The following LRGUK variants were observed in gnomAD, a reference collection of about 807,000 sequenced individuals.
LRGUK encodes leucine-rich repeat and guanylate kinase domain-containing protein.
Under a neutral mutation model 76.0 loss-of-function variants are expected in LRGUK, and 65 were observed. The ratio of observed to expected loss-of-function variants is 0.85; its 90% confidence interval spans 0.70 to 1.05. LRGUK has a LOEUF of 1.05. Among genes scored for constraint, LRGUK ranks in the 50% least tolerant of loss-of-function variants. LRGUK has a pLI of 0.00. For missense variants in LRGUK, 758 were observed against 732.8 expected, an observed-to-expected ratio of 1.03 and a Z score of -0.40; for synonymous variants, 268 against 265.6, an observed-to-expected ratio of 1.01 and a Z score of -0.09.
At chr7:134,196,890 G>A (rs1362459851) in intron 12 of LRGUK, 102 bp from the exon 13 acceptor site, 1 of 595,536 alleles carries the variant, frequency 1.7e-6, no homozygotes. Context: ...AAATTTGTAA[G>A]GTTTTTGAAA....
At chr7:134,263,888 A>G in exon 20 of LRGUK, 1 of 1,612,166 alleles carries the variant, frequency 6.2e-7, no homozygotes. Flanking sequence ...AGTCTCACCA[A>G]CACAGACAAC....
At chr7:134,214,212 G>C (rs1451513481), downstream of LRGUK, among the ~76,000 whole-genome samples, 6 of 149,668 alleles carry the variant, frequency 4.0e-5, no homozygotes, top group Non-Finnish European at 1.5e-5. Context: ...AGTTGAAACA[G>C]GATAGACTTT....
intron 16 of LRGUK, among the ~76,000 whole-genome samples, chr7:134,228,399 GA>G (rs1414039179): frequency 1.3e-5 from 2 of 151,986 alleles, no homozygotes; most frequent in African/African-American, 4.8e-5. Context: ...CATAGATAGA[GA>G]AAAAAATGAA....
chr7:134,155,757 C>A (rs570478621), intron 5 of LRGUK, among the ~76,000 whole-genome samples: 24 of 152,280 alleles, frequency 1.6e-4, no homozygotes, highest in Middle Eastern at 3.4e-3. Context: ...AACTTTTGGC[C>A]TTAATGGCCA....
rs149198166 is a variant in LRGUK at position 134,163,333 on chromosome 7, C to A, written c.796-64C>A. 3,586 of 1,444,524 alleles carry A rather than the reference C, an allele frequency of 2.5e-3. 35 individuals are homozygous for A. The highest frequency in any genetic ancestry group is 0.021 in the African/African-American group (1,466 of 71,050). The allele number at this position is 1,444,524 out of a possible 1,614,324, so 89.5% of individuals were successfully genotyped here. ...TTTGGGTCAGTATCCCAAATGAAAA[C>A]TTGCCATTACAACTTTTCCTTGAGA... is the stretch of plus-strand genomic sequence containing the variant. On this transcript the variant is annotated intron_variant, in intron 6 of 15. Transcript: ENST00000645682.
chr7:134,152,284 A>G (rs988001167), intron 5 of LRGUK, among the ~76,000 whole-genome samples: 10 of 152,100 alleles, frequency 6.6e-5, no homozygotes, highest in Non-Finnish European at 1.2e-4. Flanking sequence ...ACCATTTATA[A>G]AAACAGCAAA....
At chr7:134,129,395 TCCCCTTCCCTCCCTCCCCTCCCCAC>T (rs1797191649) in intron 1 of LRGUK, among the ~76,000 whole-genome samples, 3 of 2,706 alleles carry the variant, frequency 1.1e-3, no homozygotes, top group Admixed American at 5.3e-3. Flanking sequence ...TCCCCTCCCC[TCCCCTTCCCTCCCTCCCCTCCCCAC>T]CCCTCCCTCC....
chr7:134,156,912 A>G (rs1798485238), intron 5 of LRGUK, among the ~76,000 whole-genome samples: 1 of 152,164 alleles, frequency 6.6e-6, no homozygotes, highest in Non-Finnish European at 1.5e-5. Context: ...TGGTGATTGG[A>G]TGCCTCACAG....
At chr7:134,178,715 G>A (rs1799595574) in intron 10 of LRGUK, 106 bp downstream of exon 10, 1 of 738,246 alleles carries the variant, frequency 1.4e-6, no homozygotes, top group South Asian at 2.3e-5. Context: ...TCCTATAAAG[G>A]CTGCTTTTTC....
At chr7:134,207,634 C>T (rs1006564469) in intron 15 of LRGUK, among the ~76,000 whole-genome samples, 1 of 152,112 alleles carries the variant, frequency 6.6e-6, no homozygotes, top group African/African-American at 2.4e-5. Flanking sequence ...GCTCATCCTG[C>T]GTCAGTGGAG....
chr7:134,271,682 T>C, the LRGUK span, among the ~76,000 whole-genome samples: 4 of 152,006 alleles, frequency 2.6e-5, no homozygotes, highest in Non-Finnish European at 4.4e-5. Flanking sequence ...TGATACTTGC[T>C]CTCCCTATCT....
At chr7:134,141,935 G>A (rs1036299948) in intron 3 of LRGUK, among the ~76,000 whole-genome samples, 3 of 152,264 alleles carry the variant, frequency 2.0e-5, no homozygotes, top group East Asian at 3.9e-4. Flanking sequence ...AAATAACATA[G>A]AAATTGGGGG....
intron 11 of LRGUK, among the ~76,000 whole-genome samples, chr7:134,190,925 G>T (rs1800204149): frequency 1.3e-5 from 2 of 152,250 alleles, no homozygotes; most frequent in Admixed American, 6.5e-5. Flanking sequence ...GCAGTTCTGG[G>T]GATAGACAGT....
exon 9 of LRGUK, chr7:134,177,035 A>T (rs1209151287): frequency 1.2e-6 from 2 of 1,601,062 alleles, no homozygotes; most frequent in Non-Finnish European, 1.7e-6. Context: ...ACAGAATTAG[A>T]TCAGAAGAAG....
At chr7:134,268,612 A>G (rs1330476982), downstream of LRGUK, among the ~76,000 whole-genome samples, 1 of 152,072 alleles carries the variant, frequency 6.6e-6, no homozygotes, top group Non-Finnish European at 1.5e-5. Flanking sequence ...AGAGGAAGGA[A>G]AACTTCACAA....
chr7:134,243,022 G>T (rs200022660), intron 16 of LRGUK, among the ~76,000 whole-genome samples: 3 of 152,014 alleles, frequency 2.0e-5, no homozygotes, highest in African/African-American at 7.2e-5. Flanking sequence ...GCTAAAAACT[G>T]TCAATAAACT....
chr7:134,191,825 T>A, intron 12 of LRGUK, 74 bp downstream of exon 12: 1 of 1,020,132 alleles, frequency 9.8e-7, no homozygotes, highest in Admixed American at 2.5e-5. Flanking sequence ...GAAATAGTTA[T>A]AAATAAAAAA....
At chr7:134,171,607 G>A (rs1799251342) in intron 7 of LRGUK, among the ~76,000 whole-genome samples, 1 of 152,076 alleles carries the variant, frequency 6.6e-6, no homozygotes, top group Non-Finnish European at 1.5e-5. Flanking sequence ...TTTGGGGATG[G>A]GGGTGTGGAC....
Position 134,237,356 on chromosome 7 carries a change from T to G in LRGUK, c.1984-10200T>G, listed in dbSNP as rs560918010. On this transcript the variant is annotated intron_variant, in intron 16 of 19. Transcript: ENST00000285928. ...GGGTGAGCCACCACACCCAGCTAAT[T>G]CTTTTTTCAAGATAATGAATTGGCT... is the stretch of plus-strand genomic sequence containing the variant. Among the ~76,000 whole-genome samples, 15 of 152,294 alleles carry G rather than the reference T, an allele frequency of 9.8e-5. No homozygotes were observed. In the South Asian group the frequency reaches 3.1e-3, roughly 32 times the overall value.
Sources: allele counts gnomAD v4.1 joint callset (sites outside exome capture counted in the v4.1 genomes callset), GRCh38; gene constraint gnomAD v4.1.1; transcripts MANE v1.5; gene names NCBI Gene and HGNC (gene_info 2026-07-23, HGNC 2026-07-21).